CHPT1: variants seen among roughly 807,000 people sequenced by gnomAD.
The protein encoded by CHPT1 is cholinephosphotransferase 1.
In CHPT1, 36 loss-of-function variants were observed where a neutral mutation model predicts 47.6. The ratio of observed to expected loss-of-function variants is 0.76; its 90% CI spans 0.58 to 1.00. The LOEUF (loss-of-function observed/expected upper bound fraction) is 1.00. Ranked by LOEUF, CHPT1 falls within the 50% of genes least tolerant of loss-of-function variation. The pLI, the probability that CHPT1 is intolerant of heterozygous loss-of-function variation, is 0.00. For synonymous variants in CHPT1, 194 were observed against 186.3 expected, an observed-to-expected ratio of 1.04 and a Z score of -0.33; for missense variants, 458 against 498.1, an observed-to-expected ratio of 0.92 and a Z score of 0.77.
Position 101,697,682 on chromosome 12 carries a change from G to A in CHPT1, c.-180G>A, listed in dbSNP as rs1299099892. The A allele has an allele frequency of 5.3e-4, 89 of 167,584 alleles. 2 individuals carry two copies. The East Asian group carries it at 0.015, about 27-fold the overall frequency. The allele number at this position is 167,584 out of a possible 1,614,324, so 10.4% of individuals were successfully genotyped here. On this transcript the variant is annotated 5_prime_UTR_variant, in exon 1 of 9. Transcript: ENST00000229266. ...CAGCCGCGGCCCCACAGCTTCTGGGGCTGGGGCCCCGGCAGCCGGGCAGGC... is the reference window on the plus strand; with the variant it reads ...CAGCCGCGGCCCCACAGCTTCTGGGACTGGGGCCCCGGCAGCCGGGCAGGC...
Position 101,716,488 on chromosome 12 carries a change from T to C in CHPT1, c.564-240T>C, listed in dbSNP as rs1951765034. 2.0e-5 allele frequency among the ~76,000 whole-genome samples: 3 copies of C among 152,202 alleles called. No individual in the cohort carries two copies. The South Asian group carries it at 6.2e-4, about 31-fold the overall frequency. ...TCAGTGATAACTATTAGCAATTTGA[T>C]ATATGGTATATATTTTTTTCCCTCT... On this transcript the variant is annotated intron_variant, in intron 3 of 8. Coordinates refer to ENST00000229266, the MANE Select transcript of CHPT1 (RefSeq NM_020244.3).
chr12:101,707,831 T>TG (rs1401317039), intron 1 of CHPT1, among the ~76,000 whole-genome samples: 5 of 152,156 alleles, frequency 3.3e-5, no homozygotes, highest in African/African-American at 9.7e-5. Flanking sequence ...GAGAAGTAGA[T>TG]GCCTCCTCTC....
At chr12:101,700,575 A>C (rs1394535322) in intron 1 of CHPT1, among the ~76,000 whole-genome samples, 1 of 152,202 alleles carries the variant, frequency 6.6e-6, no homozygotes, top group East Asian at 1.9e-4. Context: ...ATTTTCTCTT[A>C]AGTTCATAGA....
chr12:101,698,060 A>G lies in CHPT1; in HGVS notation c.199A>G (p.Thr67Ala). The change falls in exon 1 of 9, where the codon ACC (threonine) becomes GCC (alanine). Residue 67 changes from threonine to alanine, a missense_variant. Physicochemically the swap from Thr to Ala is moderately conservative, Grantham distance 58. Transcript: ENST00000229266. ...IPLWMAPNSI[T>A]LLGLAVNVVT... ...GCTCTGGATGGCCCCCAACTCCATC[A>G]CCCTGCTGGGGCTCGCCGTCAACGT... 1 of 1,573,046 alleles carries G rather than the reference A, an allele frequency of 6.4e-7. No homozygotes were observed. The highest frequency in any genetic ancestry group is 1.8e-5 in the Admixed American group (1 of 57,100).
At chr12:101,714,050 T>C in intron 1 of CHPT1, 40 bp from the exon 2 acceptor site, 1 of 1,424,250 alleles carries the variant, frequency 7.0e-7, no homozygotes, top group South Asian at 1.3e-5. Flanking sequence ...GAAAGCTTAT[T>C]ATCACTTAAC....
In CHPT1 at chr12:101,704,877, A is replaced by G. The variant is rs1295238911; in HGVS notation, c.273+6743A>G. ...CCCAGCACTTTTATAAACATTTTAC[A>G]TGTGATAAGTCATTTAATTTTCACA... On this transcript the variant is annotated intron_variant, in intron 1 of 8. Coordinates refer to ENST00000229266, the MANE Select transcript of CHPT1 (RefSeq NM_020244.3). 1.1e-3 allele frequency among the ~76,000 whole-genome samples: 75 copies of G among 67,522 alleles called. 1 individual carries two copies. The highest frequency in any genetic ancestry group is 4.9e-3 in the African/African-American group (63 of 12,822). The allele number at this position is 67,522 out of a possible 152,430, so 44.3% of individuals were successfully genotyped here. A position where few individuals can be genotyped will look rare whatever the true frequency, so the allele number is the denominator to read the frequency against.
chr12:101,705,353 G>A (rs1476923627), intron 1 of CHPT1, among the ~76,000 whole-genome samples: 2 of 87,060 alleles, frequency 2.3e-5, no homozygotes, highest in South Asian at 3.9e-4. Context: ...ATGAGCCACC[G>A]CACCTGGCCC....
chr12:101,720,810 T>G (rs1434258621), intron 5 of CHPT1, among the ~76,000 whole-genome samples: 2 of 152,342 alleles, frequency 1.3e-5, no homozygotes, highest in Admixed American at 1.3e-4. Flanking sequence ...TTTTTTCACA[T>G]TTGTTTTTTA....
chr12:101,710,889 G>A lies in CHPT1; in HGVS notation c.274-3201G>A, dbSNP rs11110973. On this transcript the variant is annotated intron_variant, in intron 1 of 8. Coordinates refer to ENST00000229266, the MANE Select transcript of CHPT1 (RefSeq NM_020244.3). Reference sequence around the variant, plus strand: ...TTACAGAAATTTTAATAACTTCAATGTCCAATTTTACATATGTTTGACGTG... The same window carrying A: ...TTACAGAAATTTTAATAACTTCAATATCCAATTTTACATATGTTTGACGTG... Among the ~76,000 whole-genome samples, 547 of 148,722 alleles carry A rather than the reference G, an allele frequency of 3.7e-3. 29 individuals are homozygous for A. The highest frequency in any genetic ancestry group is 0.013 in the African/African-American group (521 of 41,166).
intron 4 of CHPT1, chr12:101,719,611 A>C: frequency 1.2e-6 from 1 of 806,222 alleles, no homozygotes; most frequent in Non-Finnish European, 1.8e-6. Flanking sequence ...TATGATGCAA[A>C]TCATGGTGTC....
intron 7 of CHPT1, among the ~76,000 whole-genome samples, chr12:101,724,483 C>A (rs1951909540): frequency 6.6e-6 from 1 of 152,110 alleles, no homozygotes; most frequent in African/African-American, 2.4e-5. Context: ...CAGTTTACAG[C>A]AAGTAACAGG....
chr12:101,712,380 G>A (rs1473557790), intron 1 of CHPT1, among the ~76,000 whole-genome samples: 5 of 148,678 alleles, frequency 3.4e-5, no homozygotes, highest in Non-Finnish European at 6.0e-5. Context: ...CTTGATGGGT[G>A]TTTAAAAAAT....
chr12:101,723,830 G>A lies in CHPT1; in HGVS notation c.1048G>A (p.Val350Ile). The change falls in exon 7 of 9, where the codon GTT becomes ATT. Residue 350 changes from valine to isoleucine, a missense_variant. Physicochemically the swap from Val to Ile is conservative, Grantham distance 29 (BLOSUM62 3). Transcript: ENST00000229266. ...YFNNFIDEYVVLWMAMVISSF... is the reference protein window; with the variant it reads ...YFNNFIDEYVILWMAMVISSF... Reference sequence around the variant, plus strand: ...TAATAACTTTATAGACGAATATGTTGTTCTATGGATGGCAATGGTAAGTAT... The same window carrying A: ...TAATAACTTTATAGACGAATATGTTATTCTATGGATGGCAATGGTAAGTAT... 6.6e-7 allele frequency: 1 copy of A among 1,519,708 alleles called. No homozygotes were observed. Among genetic ancestry groups the A allele is most frequent in the Admixed American group, 1.8e-5 (1 of 55,688 alleles). The allele number at this position is 1,519,708 out of a possible 1,614,324, so 94.1% of individuals were successfully genotyped here.
chr12:101,720,378 T>A (rs1186024483), intron 5 of CHPT1, 124 bp downstream of exon 5: 3 of 822,986 alleles, frequency 3.6e-6, no homozygotes, highest in Non-Finnish European at 5.8e-6. Context: ...CTTAAAGAAT[T>A]CATTTTAGGC....
intron 1 of CHPT1, among the ~76,000 whole-genome samples, chr12:101,713,298 C>A (rs1951719749): frequency 1.6e-5 from 2 of 123,612 alleles, no homozygotes; most frequent in Non-Finnish European, 1.9e-5. Context: ...TTAGTTTCAT[C>A]TCATTCAGGC....
intron 1 of CHPT1, among the ~76,000 whole-genome samples, chr12:101,701,063 T>C (rs1441717962): frequency 6.6e-6 from 1 of 152,224 alleles, no homozygotes; most frequent in Non-Finnish European, 1.5e-5. Context: ...AGCATGATGC[T>C]AATTTCTAGA....
intron 5 of CHPT1, among the ~76,000 whole-genome samples, 191 bp downstream of exon 5, chr12:101,720,445 A>G (rs183543422): frequency 3.9e-4 from 60 of 152,352 alleles, no homozygotes; most frequent in Admixed American, 3.2e-3. Context: ...TCTTTCTACA[A>G]GCTTGCTCTG....
intron 3 of CHPT1, among the ~76,000 whole-genome samples, chr12:101,715,556 T>G (rs1951752190): frequency 6.6e-6 from 1 of 151,728 alleles, no homozygotes; most frequent in Non-Finnish European, 1.5e-5. Flanking sequence ...TTCCTTACAT[T>G]TATCCCGTAA....
At chr12:101,705,840 C>A (rs79798685) in intron 1 of CHPT1, among the ~76,000 whole-genome samples, 2 of 146,526 alleles carry the variant, frequency 1.4e-5, no homozygotes, top group African/African-American at 2.6e-5. Context: ...ATCCTCCCCC[C>A]TCAGCCTCCC....
Sources: allele counts gnomAD v4.1 joint callset (sites outside exome capture counted in the v4.1 genomes callset), GRCh38; gene constraint gnomAD v4.1.1; transcripts MANE v1.5; gene names NCBI Gene and HGNC (gene_info 2026-07-23, HGNC 2026-07-21).